The following GPR137C variants were observed in gnomAD, a reference collection of about 807,000 sequenced individuals.
GPR137C encodes G protein-coupled receptor 137C.
GPR137C carries 27 observed loss-of-function variants against 43.4 expected under a neutral mutation model. The ratio of observed to expected loss-of-function variants is 0.62; its 90% CI spans 0.46 to 0.86. The LOEUF (loss-of-function observed/expected upper bound fraction) is 0.86, where lower values mean the gene tolerates loss of function less well. Ranked by LOEUF, GPR137C falls within the 40% of genes least tolerant of loss-of-function variation. The probability of loss-of-function intolerance (pLI) is 0.00; values close to 1 mark genes in which losing one functional copy is unlikely to be tolerated. For missense variants in GPR137C, 522 were observed against 534.6 expected (o/e 0.98, Z 0.23); for synonymous variants, 285 against 226.9 (o/e 1.26, Z -2.30).
At chr14:52,615,467 GTTT>G (rs200188827) in intron 3 of GPR137C, among the ~76,000 whole-genome samples, 1 of 140,390 alleles carries the variant, frequency 7.1e-6, no homozygotes, top group Non-Finnish European at 1.5e-5. Flanking sequence ...ACATTTTAGG[GTTT>G]TTTTTTTTTT....
At chr14:52,584,860 C>T (rs901676706) in intron 1 of GPR137C, among the ~76,000 whole-genome samples, 7 of 152,142 alleles carry the variant, frequency 4.6e-5, no homozygotes, top group Non-Finnish European at 8.8e-5. Context: ...CTCAGCCTCC[C>T]AAAGTGCTGG....
chr14:52,568,708 C>T lies in GPR137C; in HGVS notation c.444+15117C>T, dbSNP rs74377339. On this transcript the variant is annotated intron_variant, in intron 1 of 6. Coordinates refer to ENST00000321662, the MANE Select transcript of GPR137C (RefSeq NM_001099652.2). The stretch of plus-strand genomic sequence containing the variant: ...TAGAACTGGGCGGAGCCAACCGCAG[C>T]TCAGCAAAGCCAATGTAGCCAGACT... Among the ~76,000 whole-genome samples the T allele has an allele frequency of 9.0e-3, 1,368 of 152,364 alleles. 21 individuals are homozygous for T. Among genetic ancestry groups the T allele is most frequent in the Admixed American group, 0.04 (617 of 15,300 alleles).
rs530780492 is a variant in GPR137C, at chr14:52,597,151, TC to T, written c.445-1118del. Among the ~76,000 whole-genome samples the T allele has an allele frequency of 1.2e-4, 18 of 152,336 alleles. No individual in the cohort carries two copies. The East Asian group carries it at 3.5e-3, about 29-fold the overall frequency. ...TTGGCTCAAATATTATGAGAAGTCC[TC>T]CCTGACGCTCCAGACAGTTTTTCCC... On this transcript the variant is annotated intron_variant, in intron 1 of 6. Coordinates refer to ENST00000321662, the MANE Select transcript of GPR137C (RefSeq NM_001099652.2).
intron 3 of GPR137C, among the ~76,000 whole-genome samples, chr14:52,610,860 G>T (rs2039031635): frequency 6.6e-6 from 1 of 152,162 alleles, no homozygotes; most frequent in Admixed American, 6.5e-5. Context: ...TCAAACTCAA[G>T]TCTGACCATA....
intron 1 of GPR137C, among the ~76,000 whole-genome samples, chr14:52,561,992 T>A (rs1337992327): frequency 6.6e-6 from 1 of 152,194 alleles, no homozygotes; most frequent in East Asian, 1.9e-4. Flanking sequence ...TGAAGTTGAT[T>A]TTAAAAATTT....
At chr14:52,619,142 G>T (rs993232406) in intron 3 of GPR137C, among the ~76,000 whole-genome samples, 1 of 152,132 alleles carries the variant, frequency 6.6e-6, no homozygotes, top group African/African-American at 2.4e-5. Context: ...GACAGCATCA[G>T]CCTTTTTCAG....
intron 1 of GPR137C, among the ~76,000 whole-genome samples, chr14:52,574,206 T>G (rs939345058): frequency 3.9e-5 from 6 of 152,066 alleles, no homozygotes; most frequent in African/African-American, 1.4e-4. Flanking sequence ...GACCTAGCAA[T>G]CCCATTACTA....
intron 2 of GPR137C, 22 bp from the exon 3 acceptor site, chr14:52,600,091 T>C: frequency 6.8e-7 from 1 of 1,478,946 alleles, no homozygotes. Flanking sequence ...TATAACCATC[T>C]AATATACTTT....
chr14:52,570,717 C>T (rs1339316887), intron 1 of GPR137C, among the ~76,000 whole-genome samples: 1 of 152,120 alleles, frequency 6.6e-6, no homozygotes, highest in Admixed American at 6.5e-5. Context: ...ATAAAGCAGA[C>T]TTTAAACCAA....
intron 3 of GPR137C, chr14:52,613,722 A>T: frequency 3.8e-6 from 1 of 264,558 alleles, no homozygotes; most frequent in South Asian, 4.1e-5. Context: ...ATTGTGTGTA[A>T]GTACCACATT....
intron 1 of GPR137C, among the ~76,000 whole-genome samples, chr14:52,586,648 G>A (rs567298382): frequency 1.3e-5 from 2 of 152,202 alleles, no homozygotes; most frequent in South Asian, 4.1e-4. Flanking sequence ...ATCACAGGTT[G>A]ACTCTCATTC....
At chr14:52,599,559 GAATAGCTGGGACTAC>G (rs1456795059) in intron 2 of GPR137C, among the ~76,000 whole-genome samples, 1 of 151,428 alleles carries the variant, frequency 6.6e-6, no homozygotes, top group Non-Finnish European at 1.5e-5. Flanking sequence ...TCAGCCTCCT[GAATAGCTGGGACTAC>G]AGGCGTGTGC....
intron 1 of GPR137C, among the ~76,000 whole-genome samples, chr14:52,571,116 G>T (rs927363874): frequency 6.6e-6 from 1 of 152,110 alleles, no homozygotes; most frequent in African/African-American, 2.4e-5. Flanking sequence ...AAATGCAAAA[G>T]AACGGAAATC....
At chr14:52,617,887 T>C (rs577173166) in intron 3 of GPR137C, among the ~76,000 whole-genome samples, 25 of 152,308 alleles carry the variant, frequency 1.6e-4, no homozygotes, top group Admixed American at 4.6e-4. Flanking sequence ...TATAAGGTTG[T>C]TGTAAGGATT....
intron 3 of GPR137C, among the ~76,000 whole-genome samples, chr14:52,627,543 TA>T (rs2139577260): frequency 6.6e-6 from 1 of 152,120 alleles, no homozygotes; most frequent in South Asian, 2.1e-4. Context: ...GCAGATGATC[TA>T]AATATTTAAA....
chr14:52,594,053 G>A (rs2038818685), intron 1 of GPR137C, among the ~76,000 whole-genome samples: 2 of 152,164 alleles, frequency 1.3e-5, no homozygotes, highest in Non-Finnish European at 2.9e-5. Flanking sequence ...TGGTTTCAAA[G>A]AACATCTTTA....
At position 52,625,624 on chromosome 14, in the gene GPR137C, G is replaced by A. The variant is rs538295522; in HGVS notation, c.718-6536G>A. ...GGCTGGAGTGCAGTGGCGTGATCTCGGCTCACTGCAATCTCCGCCTCCCAG... is the reference window on the plus strand; with the variant it reads ...GGCTGGAGTGCAGTGGCGTGATCTCAGCTCACTGCAATCTCCGCCTCCCAG... On this transcript the variant is annotated intron_variant, in intron 3 of 6. Transcript: ENST00000321662. Among the ~76,000 whole-genome samples the A allele has an allele frequency of 4.3e-4, 51 of 117,498 alleles. 1 individual carries two copies. The highest frequency in any genetic ancestry group is 2.8e-4 in the East Asian group (1 of 3,540). The allele number at this position is 117,498 out of a possible 152,430, so 77.1% of individuals were successfully genotyped here. A position where few individuals can be genotyped will look rare whatever the true frequency, so the allele number is the denominator to read the frequency against.
At chr14:52,572,913 A>G (rs1410832623) in intron 1 of GPR137C, among the ~76,000 whole-genome samples, 2 of 152,212 alleles carry the variant, frequency 1.3e-5, no homozygotes, top group East Asian at 1.9e-4. Flanking sequence ...AGGATACAAA[A>G]TCAATGTGCA....
At chr14:52,595,068 C>T (rs376384823) in intron 1 of GPR137C, among the ~76,000 whole-genome samples, 8 of 152,206 alleles carry the variant, frequency 5.3e-5, no homozygotes, top group South Asian at 2.1e-4. Flanking sequence ...ATTTCTCCTT[C>T]GCTTATGAAG....
Sources: allele counts gnomAD v4.1 joint callset (sites outside exome capture counted in the v4.1 genomes callset), GRCh38; gene constraint gnomAD v4.1.1; transcripts MANE v1.5; gene names NCBI Gene and HGNC (gene_info 2026-07-23, HGNC 2026-07-21).